The following TTN variants were observed in gnomAD, a reference collection of about 807,000 sequenced individuals.
TTN encodes titin, also known as connectin.
In TTN, 1,525 loss-of-function variants were observed where a neutral mutation model predicts 3,223.0. The ratio of observed to expected loss-of-function variants is 0.47; its 90% CI spans 0.45 to 0.49. TTN has a LOEUF of 0.49. TTN is among the 20% of genes least tolerant of loss of function. TTN has a pLI of 0.00. For synonymous variants in TTN, 14,094 were observed against 15,161.0 expected, an observed-to-expected ratio of 0.93 and a Z score of 5.17; for missense variants, 40,786 against 43,424.0, an observed-to-expected ratio of 0.94 and a Z score of 5.40.
chr2:178,763,719 A>T (rs1420152948), intron 43 of TTN, among the ~76,000 whole-genome samples: 1 of 152,220 alleles, frequency 6.6e-6, no homozygotes, highest in Non-Finnish European at 1.5e-5. Flanking sequence ...TGACCACTAT[A>T]GGATATTGTC....
chr2:178,563,980 C>T lies in TTN; in HGVS notation c.82152G>A (p.Ala27384=), dbSNP rs771905375. Reference sequence around the variant, plus strand: ...GGTTCCATGCCAGGTAACATTTTTCCGCAGTAACTCCAGTAACTTTCAGAG... The same window carrying T: ...GGTTCCATGCCAGGTAACATTTTTCTGCAGTAACTCCAGTAACTTTCAGAG... ...EGPLKVTGVT[A]EKCYLAWNPP... Residue 27384 remains alanine, a synonymous_variant, in exon 326 of 363, where the codon GCG becomes GCA. Transcript: ENST00000589042. The surrounding 1 kb of genome is among the most constrained non-coding windows in gnomAD (Gnocchi z 4.5). The T allele has an allele frequency of 2.2e-5, 36 of 1,613,466 alleles. No individual in the cohort carries two copies. The Middle Eastern group carries it at 1.3e-3, about 59-fold the overall frequency.
chr2:178,571,858 C>G lies in TTN; in HGVS notation c.74274G>C (p.Gln24758His), dbSNP rs1464894688. The G allele has an allele frequency of 5.6e-6, 9 of 1,613,546 alleles. No homozygotes were observed. The highest frequency in any genetic ancestry group is 6.8e-6 in the Non-Finnish European group (8 of 1,179,610). Reference protein sequence around the residue: ...TWHKDNVPLKQTTRVNAESTE... With the variant: ...TWHKDNVPLKHTTRVNAESTE... ...TGCTCTCTGCATTTACTCTAGTTGT[C>G]TGCTTCAGTGGTACATTATCTTTAT... Residue 24758 changes from glutamine to histidine, a missense_variant, in exon 326 of 363, where the codon CAG (glutamine) becomes CAC (histidine). By Grantham distance (24) the Gln-to-His change is conservative. Transcript: ENST00000589042.
intron 266 of TTN, 27 bp downstream of exon 266, chr2:178,612,250 T>C (rs755095584): frequency 1.2e-6 from 2 of 1,607,434 alleles, no homozygotes; most frequent in Admixed American, 3.4e-5. Flanking sequence ...GCACTTATTG[T>C]CACAAAGATT....
At chr2:178,545,727 C>T in intron 343 of TTN, 34 bp from the exon 344 acceptor site, 1 of 1,602,750 alleles carries the variant, frequency 6.2e-7, no homozygotes, top group Non-Finnish European at 8.5e-7. Context: ...GAGAATTGCA[C>T]AAAATTACTA....
Position 178,607,467 on chromosome 2 carries a change from T to TA in TTN, c.53220_53221insT (p.Arg17741Ter). ...CTATTTGTAGCTGTAATCACATATC[T>TA]GCCATGGTCTTTTCGCAGTGCATCC... On this transcript the variant is annotated frameshift_variant, in exon 277 of 363. Transcript: ENST00000589042. LOFTEE classifies it high-confidence loss of function. 1 of 1,613,240 alleles carries TA rather than the reference T, an allele frequency of 6.2e-7. No homozygotes were observed. Among genetic ancestry groups the TA allele is most frequent in the South Asian group, 1.1e-5 (1 of 91,068 alleles).
At chr2:178,674,666 C>T (rs2067663811) in intron 150 of TTN, among the ~76,000 whole-genome samples, 1 of 150,564 alleles carries the variant, frequency 6.6e-6, no homozygotes, top group African/African-American at 2.4e-5. Flanking sequence ...TGAAGTCAAA[C>T]AGCCACTTGG....
Position 178,804,653 on chromosome 2 carries a change from ACT to A in TTN, c.-13_-12del. ...TGCTTGAGTTGTCATCTTTCTAGGC[ACT>A]CTGAAAAAGAAGAGAAAATAAATTA... is the stretch of plus-strand genomic sequence containing the variant. On this transcript the variant is annotated splice_region_variant and 5_prime_UTR_variant, in exon 2 of 363. Transcript: ENST00000589042. The A allele has an allele frequency of 6.2e-7, 1 of 1,613,408 alleles. No individual in the cohort carries two copies. Among genetic ancestry groups the A allele is most frequent in the East Asian group, 2.2e-5 (1 of 44,848 alleles).
At position 178,583,080 on chromosome 2, in the gene TTN, T is replaced by C; in HGVS notation, c.65723A>G (p.Glu21908Gly). 6.2e-7 allele frequency: 1 copy of C among 1,611,528 alleles called. No individual in the cohort carries two copies. Among genetic ancestry groups the C allele is most frequent in the South Asian group, 1.1e-5 (1 of 90,856 alleles). ...CCGCTGCATGGCCATCTTTATGCCT[T>C]CTGCTGGTTTTAGCAGTGTGCCATC... The part of the protein sequence containing the change: ...KKDGTLLKPA[E>G]GIKMAMQRNL... The change falls in exon 313 of 363, where the codon GAA (glutamate) becomes GGA (glycine). Residue 21908 changes from glutamate to glycine, a missense_variant. By Grantham distance (98) the Glu-to-Gly change is moderately conservative (BLOSUM62 -2). Coordinates refer to ENST00000589042, the MANE Select transcript of TTN (RefSeq NM_001267550.2).
At chr2:178,658,049 G>A in intron 186 of TTN, 28 bp downstream of exon 186, 8 of 1,568,400 alleles carry the variant, frequency 5.1e-6, no homozygotes, top group Non-Finnish European at 6.8e-6. Context: ...TATCTCTTCT[G>A]CAGAATGAAG....
Position 178,607,497 on chromosome 2 carries a change from T to C in TTN, c.53191A>G (p.Ile17731Val). 1 of 1,613,292 alleles carries C rather than the reference T, an allele frequency of 6.2e-7. No individual in the cohort carries two copies. The highest frequency in any genetic ancestry group is 8.5e-7 in the Non-Finnish European group (1 of 1,179,418). ...DNVGTKSELI[I>V]KDALRKDHGR... Reference sequence around the variant, plus strand: ...TGGTCTTTTCGCAGTGCATCCTTGATAATTAGTTCAGATTTGGTTCCAACG... The same window carrying C: ...TGGTCTTTTCGCAGTGCATCCTTGACAATTAGTTCAGATTTGGTTCCAACG... The change falls in exon 277 of 363, where the codon ATC (isoleucine) becomes GTC (valine). Residue 17731 changes from isoleucine (I) to valine (V), a missense_variant. By Grantham distance (29) the Ile-to-Val change is conservative. Coordinates refer to ENST00000589042, the MANE Select transcript of TTN (RefSeq NM_001267550.2).
intron 47 of TTN, chr2:178,749,188 T>A (rs765387206): frequency 6.2e-7 from 1 of 1,611,134 alleles, no homozygotes; most frequent in Admixed American, 1.7e-5. Flanking sequence ...CCTTTTCTGA[T>A]CTACCAAGTT....
At chr2:178,759,420 T>A (rs532936214) in intron 43 of TTN, among the ~76,000 whole-genome samples, 55 of 152,348 alleles carry the variant, frequency 3.6e-4, no homozygotes, top group African/African-American at 1.3e-3. Context: ...TTTAAAATGA[T>A]AGAACTTCAG....
At chr2:178,782,151 C>G in intron 20 of TTN, 61 bp downstream of exon 20, 2 of 1,593,824 alleles carry the variant, frequency 1.3e-6, no homozygotes, top group Non-Finnish European at 8.6e-7. Flanking sequence ...AAATTCTACT[C>G]TAGGCTTCAT....
At chr2:178,628,254 A>G (rs903249155) in intron 240 of TTN, among the ~76,000 whole-genome samples, 1 of 152,086 alleles carries the variant, frequency 6.6e-6, no homozygotes, top group Non-Finnish European at 1.5e-5. Flanking sequence ...ATTGCTTTCA[A>G]ATACTTCAGT....
In TTN at chr2:178,606,916, T is replaced by G. The variant is rs2055022993; in HGVS notation, c.53581+105A>C. The G allele has an allele frequency of 3.9e-6, 5 of 1,275,322 alleles. No individual in the cohort carries two copies. In the South Asian group the frequency reaches 7.5e-5, roughly 19 times the overall value. 79.0% of individuals were successfully genotyped at this position (1,275,322 alleles called of 1,614,324 possible). A position where few individuals can be genotyped will look rare whatever the true frequency, so the allele number is the denominator to read the frequency against. On this transcript the variant is annotated intron_variant, in intron 278 of 362. Coordinates refer to ENST00000589042, the MANE Select transcript of TTN (RefSeq NM_001267550.2). ...TTTACTTTTCTTATTACTCTTTAGC[T>G]ATAGATTTTGAGACTGTTGGGAGTT... is the stretch of plus-strand genomic sequence containing the variant.
At position 178,553,065 on chromosome 2, in the gene TTN, A is replaced by C. The variant is rs1700026058; in HGVS notation, c.89835T>G (p.Val29945=). 1 of 1,612,708 alleles carries C rather than the reference A, an allele frequency of 6.2e-7. No homozygotes were observed. The highest frequency in any genetic ancestry group is 1.3e-5 in the African/African-American group (1 of 74,922). The change falls in exon 335 of 363, where the codon GTT becomes GTG. Residue 29945 remains valine (V), a synonymous_variant. Coordinates refer to ENST00000589042, the MANE Select transcript of TTN (RefSeq NM_001267550.2). ...AACQKLQVKH[V]SRGTVTLLWD... ...AGAGCAAAGTGACTGTGCCTCGAGA[A>C]ACATGTTTAACCTGTAGTTTCTGGC... is the stretch of plus-strand genomic sequence containing the variant.
Position 178,722,444 on chromosome 2 carries a change from A to G in TTN, c.22343T>C (p.Ile7448Thr), listed in dbSNP as rs878854293. The change falls in exon 77 of 363, where the codon ATC (isoleucine) becomes ACC (threonine). Residue 7448 changes from isoleucine (I) to threonine (T), a missense_variant. By Grantham distance (89) the Ile-to-Thr change is moderately conservative. Transcript: ENST00000589042. ...LTCRLNGSAP[I>T]QVCWYRDGVL... ...TCCATCTCTATACCAGCACACTTGG[A>G]TGGGTGCAGAGCCATTTAATCGACA... is the stretch of plus-strand genomic sequence containing the variant. 4 of 1,613,468 alleles carry G rather than the reference A, an allele frequency of 2.5e-6. No homozygotes were observed. Among genetic ancestry groups the G allele is most frequent in the Non-Finnish European group, 3.4e-6 (4 of 1,179,542 alleles).
At chr2:178,540,555 G>A (rs1169618588) in intron 350 of TTN, among the ~76,000 whole-genome samples, 185 bp from the exon 351 acceptor site, 2 of 152,146 alleles carry the variant, frequency 1.3e-5, no homozygotes, top group Non-Finnish European at 2.9e-5. Flanking sequence ...CAAGTTGGGA[G>A]GCCAAGGTGG....
chr2:178,799,846 T>G lies in TTN; in HGVS notation c.648A>C (p.Ser216=), dbSNP rs1470635414. The G allele has an allele frequency of 6.2e-7, 1 of 1,614,060 alleles. No individual in the cohort carries two copies. The highest frequency in any genetic ancestry group is 1.7e-5 in the Admixed American group (1 of 60,012). Residue 216 remains serine, a synonymous_variant, in exon 5 of 363, where the codon TCA becomes TCC. Coordinates refer to ENST00000589042, the MANE Select transcript of TTN (RefSeq NM_001267550.2). The stretch of plus-strand genomic sequence containing the variant: ...ATACCTTTTCAATTCGGGTTTGTCT[T>G]GATTCTGAGATCTGAGCAGTCGAAA... The part of the protein sequence containing the change: ...TIVSTAQISE[S]RQTRIEKKIE...
Sources: gnomAD v4.1 joint callset for allele counts (sites outside exome capture counted in the v4.1 genomes callset) on GRCh38, gnomAD v4.1.1 for gene constraint, Gnocchi (gnomAD v3.1) non-coding constraint, MANE v1.5 for transcripts, NCBI Gene and HGNC (gene_info 2026-07-23, HGNC 2026-07-21) for gene names.